The following GNG7 variants were observed in gnomAD, a reference collection of about 807,000 sequenced individuals.
GNG7 encodes guanine nucleotide-binding protein G(I)/G(S)/G(O) subunit gamma-7.
In GNG7, 1 loss-of-function variant was observed where a neutral mutation model predicts 4.0. The ratio of observed to expected loss-of-function variants is 0.25; its 90% CI spans 0.09 to 1.18. The LOEUF (loss-of-function observed/expected upper bound fraction) is 1.18, where lower values mean the gene tolerates loss of function less well. Among genes scored for constraint, GNG7 ranks in the 50% most tolerant of loss-of-function variants. The pLI is 0.50. For synonymous variants in GNG7, 34 were observed against 36.9 expected (o/e 0.92, Z 0.29); for missense variants, 86 against 91.9 (o/e 0.94, Z 0.26).
chr19:2,581,298 G>T (rs1250774546), intron 2 of GNG7, among the ~76,000 whole-genome samples: 1 of 149,324 alleles, frequency 6.7e-6, no homozygotes, highest in African/African-American at 2.5e-5. Flanking sequence ...AGACTGATGG[G>T]GGGGGCCGCG....
At chr19:2,674,946 G>T (rs1983558079) in intron 1 of GNG7, among the ~76,000 whole-genome samples, 1 of 152,304 alleles carries the variant, frequency 6.6e-6, no homozygotes, top group Non-Finnish European at 1.5e-5. Flanking sequence ...AGAAAACAAT[G>T]CTCTTTCGTA....
chr19:2,574,418 C>T (rs1980245554), intron 2 of GNG7, among the ~76,000 whole-genome samples: 1 of 152,208 alleles, frequency 6.6e-6, no homozygotes, highest in Non-Finnish European at 1.5e-5. Flanking sequence ...ACTCACTCAT[C>T]CTACTTCCTG....
chr19:2,701,920 C>G (rs2144666896), intron 1 of GNG7, among the ~76,000 whole-genome samples: 1 of 144,748 alleles, frequency 6.9e-6, no homozygotes. Flanking sequence ...CCCTCCCCAG[C>G]TAGCTTGGAC....
At position 2,700,181 on chromosome 19, in the gene GNG7, G is replaced by A. The variant is rs574054596; in HGVS notation, c.-135+2465C>T. On this transcript the variant is annotated intron_variant, in intron 1 of 4. Coordinates refer to ENST00000382159, the MANE Select transcript of GNG7 (RefSeq NM_052847.3). Reference sequence around the variant, plus strand: ...TTTTGAGGCAGAGTCTCTCTCTGTTGCCCAGGCTGGAGTGCAATGGCGTGA... The same window carrying A: ...TTTTGAGGCAGAGTCTCTCTCTGTTACCCAGGCTGGAGTGCAATGGCGTGA... Among the ~76,000 whole-genome samples, 931 of 145,644 alleles carry A rather than the reference G, an allele frequency of 6.4e-3. 12 individuals are homozygous for A. Among genetic ancestry groups the A allele is most frequent in the African/African-American group, 0.022 (880 of 39,354 alleles).
At chr19:2,537,436 A>G (rs541569608) in intron 3 of GNG7, among the ~76,000 whole-genome samples, 2 of 151,576 alleles carry the variant, frequency 1.3e-5, no homozygotes, top group Non-Finnish European at 2.9e-5. Context: ...GTAGAGATGA[A>G]GTCTCTACAG....
At chr19:2,625,511 G>A (rs746239478) in intron 2 of GNG7, among the ~76,000 whole-genome samples, 2 of 152,188 alleles carry the variant, frequency 1.3e-5, no homozygotes, top group African/African-American at 4.8e-5. Context: ...ACTGCTCCCA[G>A]ATTAGCCAGA....
chr19:2,699,845 T>C (rs1489514539), intron 1 of GNG7, among the ~76,000 whole-genome samples: 1 of 152,162 alleles, frequency 6.6e-6, no homozygotes, highest in Non-Finnish European at 1.5e-5. Flanking sequence ...CCCCATGAAC[T>C]GAAGTTGTAA....
At chr19:2,628,790 C>T (rs1346098990) in intron 2 of GNG7, among the ~76,000 whole-genome samples, 2 of 152,238 alleles carry the variant, frequency 1.3e-5, no homozygotes, top group African/African-American at 4.8e-5. Flanking sequence ...TGAGGTCAGG[C>T]CCACCCAGGA....
chr19:2,552,423 T>C (rs193281470), intron 3 of GNG7, among the ~76,000 whole-genome samples: 250 of 151,368 alleles, frequency 1.7e-3, no homozygotes, highest in Non-Finnish European at 1.4e-3. Flanking sequence ...CTCGCTCTGT[T>C]GCCGAGGCTG....
At chr19:2,548,408 G>C (rs568439688) in intron 3 of GNG7, among the ~76,000 whole-genome samples, 1 of 150,166 alleles carries the variant, frequency 6.7e-6, no homozygotes, top group African/African-American at 2.5e-5. Flanking sequence ...GTGAACTCGG[G>C]AGGCGGAGGT....
chr19:2,689,491 T>A (rs1394282759), intron 1 of GNG7, among the ~76,000 whole-genome samples: 2 of 151,300 alleles, frequency 1.3e-5, no homozygotes, highest in Non-Finnish European at 2.9e-5. Context: ...GGTGTGGTGG[T>A]GGACGCCTGT....
intron 2 of GNG7, among the ~76,000 whole-genome samples, chr19:2,569,795 C>T (rs1371544343): frequency 2.0e-5 from 3 of 152,148 alleles, no homozygotes; most frequent in African/African-American, 2.4e-5. Flanking sequence ...CAGACATCAC[C>T]CGTCCCCCAG....
chr19:2,694,872 T>TCA (rs1408652292), intron 1 of GNG7, among the ~76,000 whole-genome samples: 12 of 151,526 alleles, frequency 7.9e-5, no homozygotes, highest in Admixed American at 5.3e-4. Flanking sequence ...GGGACGCTGC[T>TCA]CGGCACCTCA....
intron 1 of GNG7, among the ~76,000 whole-genome samples, chr19:2,677,712 G>C (rs1477360235): frequency 1.3e-5 from 2 of 152,096 alleles, no homozygotes; most frequent in Admixed American, 1.3e-4. Flanking sequence ...GGGATCTGTG[G>C]AATCCCCTAA....
In GNG7 at chr19:2,511,460, G is replaced by C; in HGVS notation, c.*3562C>G. ...ATGGGCAGCGGTTCCGTGGACAGAG[G>C]AGGAGGCGCGGCTGGCCGGCATATG... is the stretch of plus-strand genomic sequence containing the variant. On this transcript the variant is annotated 3_prime_UTR_variant, in exon 5 of 5. Coordinates refer to ENST00000382159, the MANE Select transcript of GNG7 (RefSeq NM_052847.3). The surrounding 1 kb of genome is among the most constrained non-coding windows in gnomAD (Gnocchi z 6.3). The C allele has an allele frequency of 6.6e-6, 1 of 152,456 alleles. No homozygotes were observed. The highest frequency in any genetic ancestry group is 1.9e-4 in the East Asian group (1 of 5,202). The allele number at this position is 152,456 out of a possible 1,614,324, so 9.4% of individuals were successfully genotyped here.
At chr19:2,681,073 T>A (rs939732497) in intron 1 of GNG7, among the ~76,000 whole-genome samples, 2 of 152,266 alleles carry the variant, frequency 1.3e-5, no homozygotes, top group Non-Finnish European at 2.9e-5. Context: ...AACCGACAGT[T>A]TTTGTTTCTT....
chr19:2,563,765 A>G (rs971842640), intron 2 of GNG7, among the ~76,000 whole-genome samples: 2 of 152,158 alleles, frequency 1.3e-5, no homozygotes, highest in African/African-American at 4.8e-5. Context: ...AATAGGCATG[A>G]GCCACCGCGC....
At chr19:2,549,483 G>T (rs1461144545) in intron 3 of GNG7, among the ~76,000 whole-genome samples, 1 of 152,050 alleles carries the variant, frequency 6.6e-6, no homozygotes, top group African/African-American at 2.4e-5. Flanking sequence ...TAGAGACGGG[G>T]TTTCACTATC....
intron 1 of GNG7, among the ~76,000 whole-genome samples, chr19:2,659,920 A>G (rs1983103907): frequency 6.6e-6 from 1 of 152,032 alleles, no homozygotes; most frequent in East Asian, 1.9e-4. Context: ...TCTTGGCCAA[A>G]TGGATTTTCT....
Sources: gnomAD v4.1 joint callset for allele counts (sites outside exome capture counted in the v4.1 genomes callset) on GRCh38, gnomAD v4.1.1 for gene constraint, Gnocchi (gnomAD v3.1) non-coding constraint, MANE v1.5 for transcripts, NCBI Gene and HGNC (gene_info 2026-07-23, HGNC 2026-07-21) for gene names.